Variants in RERE observed in about 807,000 individuals in gnomAD.
RERE encodes arginine-glutamic acid dipeptide repeats.
A neutral mutation model predicts 146.1 loss-of-function variants in RERE; 40 were observed. The observed-to-expected ratio is 0.27, with a 90% CI of 0.21 to 0.36. RERE has a LOEUF of 0.36. Ranked by LOEUF, RERE falls within the 10% of genes least tolerant of loss-of-function variation. The probability of loss-of-function intolerance (pLI) is 1.00; values close to 1 mark genes in which losing one functional copy is unlikely to be tolerated. For missense variants in RERE, 1,933 were observed against 2,138.7 expected (o/e 0.90, Z 1.90); for synonymous variants, 1,003 against 866.0 (o/e 1.16, Z -2.78).
intron 4 of RERE, among the ~76,000 whole-genome samples, chr1:8,602,515 AAAAAAAAAG>A (rs1646645887): frequency 4.3e-4 from 1 of 2,324 alleles, no homozygotes; most frequent in South Asian, 0.022. Flanking sequence ...AGTTCAGGGG[AAAAAAAAAG>A]AAAAAAAAAA....
chr1:8,775,860 G>GT (rs2124553465), intron 1 of RERE, among the ~76,000 whole-genome samples: 1 of 152,184 alleles, frequency 6.6e-6, no homozygotes, highest in South Asian at 2.1e-4. Flanking sequence ...TCTCCATTTT[G>GT]TATCGAGGAA....
At position 8,817,336 on chromosome 1, in the gene RERE, C is replaced by A. The variant is rs150750238; in HGVS notation, c.-321G>T. On this transcript the variant is annotated 5_prime_UTR_variant, in exon 1 of 23. Transcript: ENST00000400908. ...GGCTGAGGGGGCTTCCCTGCCGTGA[C>A]CTTTCCTGCGACTTGAACCTAGGCT... 1 of 151,940 alleles carries A rather than the reference C, an allele frequency of 6.6e-6. No homozygotes were observed. The highest frequency in any genetic ancestry group is 1.5e-5 in the Non-Finnish European group (1 of 68,030). The allele number at this position is 151,940 out of a possible 1,614,324, so 9.4% of individuals were successfully genotyped here.
intron 1 of RERE, among the ~76,000 whole-genome samples, chr1:8,794,731 T>TACAAA (rs975217160): frequency 1.3e-5 from 2 of 151,846 alleles, no homozygotes; most frequent in Non-Finnish European, 2.9e-5. Flanking sequence ...ACCCCATCTT[T>TACAAA]ACAAAACAAA....
At chr1:8,698,499 T>C (rs1431814478) in intron 1 of RERE, among the ~76,000 whole-genome samples, 1 of 152,222 alleles carries the variant, frequency 6.6e-6, no homozygotes, top group East Asian at 1.9e-4. Context: ...ATTTACACTC[T>C]TTTGTTCCTT....
At position 8,359,691 on chromosome 1, in the gene RERE, G is replaced by A. The variant is rs746703215; in HGVS notation, c.3618+73C>T. ...AGTCAGGCAGCCAAGGGCAGAGCTC[G>A]GTGGCCCAGCGTGGCTCCCAGGCGC... On this transcript the variant is annotated intron_variant, in intron 19 of 22. Transcript: ENST00000400908. 117 of 1,514,824 alleles carry A rather than the reference G, an allele frequency of 7.7e-5. 1 individual carries two copies. Among genetic ancestry groups the A allele is most frequent in the Non-Finnish European group, 9.7e-5 (108 of 1,114,130 alleles). 93.8% of individuals were successfully genotyped at this position (1,514,824 alleles called of 1,614,324 possible).
chr1:8,551,860 T>C (rs1645939814), intron 6 of RERE, among the ~76,000 whole-genome samples: 1 of 152,236 alleles, frequency 6.6e-6, no homozygotes. Flanking sequence ...ACACAAGTCC[T>C]CTAACTTCAG....
intron 1 of RERE, among the ~76,000 whole-genome samples, chr1:8,663,996 C>T (rs973829167): frequency 6.6e-6 from 1 of 152,164 alleles, no homozygotes; most frequent in Admixed American, 6.5e-5. Context: ...TCTTTGCCCC[C>T]CAATCCTGCC....
intron 1 of RERE, among the ~76,000 whole-genome samples, chr1:8,727,010 T>C (rs1639982793): frequency 6.6e-6 from 1 of 152,158 alleles, no homozygotes; most frequent in Non-Finnish European, 1.5e-5. Flanking sequence ...TTCACCATGT[T>C]GGCCAGGCTG....
At chr1:8,684,580 GATTA>G (rs1354778752) in intron 1 of RERE, among the ~76,000 whole-genome samples, 2 of 152,160 alleles carry the variant, frequency 1.3e-5, no homozygotes, top group African/African-American at 2.4e-5. Context: ...AAACAAGAAT[GATTA>G]ATTAAGCAAT....
At chr1:8,519,597 T>C (rs1262782196) in intron 7 of RERE, 30 of 152,184 alleles carry the variant, frequency 2.0e-4, no homozygotes. Context: ...TGGAAAGAAC[T>C]AGACATAGTA....
intron 4 of RERE, among the ~76,000 whole-genome samples, chr1:8,602,360 C>A (rs1646643637): frequency 2.7e-5 from 4 of 150,186 alleles, no homozygotes; most frequent in Admixed American, 2.7e-4. Flanking sequence ...CACTGCACTC[C>A]AGCCTGGTGA....
At chr1:8,682,848 C>A (rs999851636) in intron 1 of RERE, among the ~76,000 whole-genome samples, 1 of 151,992 alleles carries the variant, frequency 6.6e-6, no homozygotes, top group South Asian at 2.1e-4. Flanking sequence ...GTGATTCTTT[C>A]GCATGCCTTA....
At chr1:8,566,709 TTCCAAATGGG>T (rs978449295) in intron 4 of RERE, among the ~76,000 whole-genome samples, 1 of 152,182 alleles carries the variant, frequency 6.6e-6, no homozygotes, top group African/African-American at 2.4e-5. Context: ...TTATTAGCAT[TTCCAAATGGG>T]TATACCTGGA....
At chr1:8,639,518 C>A (rs967352559) in intron 2 of RERE, among the ~76,000 whole-genome samples, 2 of 152,192 alleles carry the variant, frequency 1.3e-5, no homozygotes, top group Non-Finnish European at 2.9e-5. Context: ...AGAGAATAAA[C>A]TGGAAATCAA....
intron 1 of RERE, among the ~76,000 whole-genome samples, chr1:8,764,450 T>C (rs1429567185): frequency 6.6e-6 from 1 of 152,222 alleles, no homozygotes; most frequent in Non-Finnish European, 1.5e-5. Flanking sequence ...TACAGTCATC[T>C]ATGTATTCAG....
chr1:8,354,839 A>G lies in RERE; in HGVS notation c.*248T>C. Reference sequence around the variant, plus strand: ...TTGCAGGGAAGCTTTCTGGATGTTCAGTCCAGTCCAGGACTCACTAAGTTT... The same window carrying G: ...TTGCAGGGAAGCTTTCTGGATGTTCGGTCCAGTCCAGGACTCACTAAGTTT... On this transcript the variant is annotated 3_prime_UTR_variant, in exon 23 of 23. Coordinates refer to ENST00000400908, the MANE Select transcript of RERE (RefSeq NM_001042681.2). 2.0e-6 allele frequency: 1 copy of G among 505,656 alleles called. No homozygotes were observed. Among genetic ancestry groups the G allele is most frequent in the Non-Finnish European group, 3.4e-6 (1 of 290,136 alleles). 31.3% of individuals were successfully genotyped at this position (505,656 alleles called of 1,614,324 possible). A position where few individuals can be genotyped will look rare whatever the true frequency, so the allele number is the denominator to read the frequency against.
At chr1:8,506,948 A>C (rs1645257414) in intron 8 of RERE, among the ~76,000 whole-genome samples, 1 of 152,216 alleles carries the variant, frequency 6.6e-6, no homozygotes, top group Non-Finnish European at 1.5e-5. Context: ...GAATTAGTCA[A>C]ACTGAGCTGA....
chr1:8,501,711 T>G (rs1288487206), intron 8 of RERE, among the ~76,000 whole-genome samples: 1 of 88,442 alleles, frequency 1.1e-5, no homozygotes, highest in Non-Finnish European at 2.3e-5. Context: ...GGGAGGGAGG[T>G]GGGGGGTCAG....
At chr1:8,637,521 T>C (rs180895858) in intron 2 of RERE, among the ~76,000 whole-genome samples, 1 of 152,308 alleles carries the variant, frequency 6.6e-6, no homozygotes, top group Admixed American at 6.5e-5. Context: ...CTGACCAAAA[T>C]CATACTATCC....
Sources: allele counts gnomAD v4.1 joint callset (sites outside exome capture counted in the v4.1 genomes callset), GRCh38; gene constraint gnomAD v4.1.1; transcripts MANE v1.5; gene names NCBI Gene and HGNC (gene_info 2026-07-23, HGNC 2026-07-21).